Variants in SEL1L2 observed in about 807,000 individuals in gnomAD.
SEL1L2 encodes the protein protein sel-1 homolog 2.
Under a neutral mutation model 98.8 loss-of-function variants are expected in SEL1L2, and 89 were observed. The observed-to-expected ratio is 0.90, with a 90% confidence interval of 0.76 to 1.07. The LOEUF is 1.07. Ranked by LOEUF, SEL1L2 falls within the 50% of genes least tolerant of loss-of-function variation. The probability of loss-of-function intolerance (pLI) is 0.00; values close to 1 mark genes in which losing one functional copy is unlikely to be tolerated. For synonymous variants in SEL1L2, 262 were observed against 278.5 expected (o/e 0.94, Z 0.59); for missense variants, 788 against 812.0 (o/e 0.97, Z 0.36).
chr20:13,932,557 G>A (rs1349016553), intron 2 of SEL1L2, among the ~76,000 whole-genome samples: 7 of 151,774 alleles, frequency 4.6e-5, no homozygotes, highest in South Asian at 2.1e-4. Flanking sequence ...TCAGCCTCCC[G>A]AGTAACTGGG....
chr20:13,935,273 G>T (rs1335083559), intron 2 of SEL1L2, among the ~76,000 whole-genome samples: 1 of 152,176 alleles, frequency 6.6e-6, no homozygotes, highest in Non-Finnish European at 1.5e-5. Flanking sequence ...TTGGAGCATT[G>T]CTCTCAGTCC....
chr20:13,925,914 C>T (rs2048870680), intron 3 of SEL1L2, among the ~76,000 whole-genome samples: 1 of 152,196 alleles, frequency 6.6e-6, no homozygotes, highest in African/African-American at 2.4e-5. Flanking sequence ...TTACATAAAA[C>T]TGTGAGCTGA....
At chr20:13,853,810 A>G (rs903316503) in intron 18 of SEL1L2, among the ~76,000 whole-genome samples, 1 of 152,234 alleles carries the variant, frequency 6.6e-6, no homozygotes, top group Admixed American at 6.5e-5. Context: ...ACATTGTGGA[A>G]TAGTATACCA....
chr20:13,893,672 G>A (rs2047302707), intron 5 of SEL1L2, among the ~76,000 whole-genome samples: 1 of 152,092 alleles, frequency 6.6e-6, no homozygotes, highest in Non-Finnish European at 1.5e-5. Flanking sequence ...TTACAGACCA[G>A]TTGGACCAAA....
chr20:13,957,353 C>T (rs553174475), intron 1 of SEL1L2, among the ~76,000 whole-genome samples: 364 of 152,324 alleles, frequency 2.4e-3, no homozygotes, highest in Non-Finnish European at 4.3e-3. Flanking sequence ...CTGCCTGCCT[C>T]AGCCTCCCAA....
chr20:13,911,074 T>G (rs1462149958), intron 5 of SEL1L2, among the ~76,000 whole-genome samples: 1 of 152,200 alleles, frequency 6.6e-6, no homozygotes, highest in Non-Finnish European at 1.5e-5. Flanking sequence ...CTAGACTGAG[T>G]GTAAATGTCA....
intron 1 of SEL1L2, among the ~76,000 whole-genome samples, chr20:13,982,910 GC>G (rs1233252288): frequency 1.3e-5 from 2 of 150,802 alleles, no homozygotes; most frequent in African/African-American, 4.9e-5. Context: ...TGTAGTCCCA[GC>G]TACTCGGGAG....
chr20:13,937,413 G>C (rs1454685775), intron 2 of SEL1L2, among the ~76,000 whole-genome samples: 2 of 152,200 alleles, frequency 1.3e-5, no homozygotes, highest in African/African-American at 4.8e-5. Context: ...GCCTTACAAA[G>C]TCTAGGAGCC....
At chr20:13,949,954 C>T (rs544242562) in intron 2 of SEL1L2, among the ~76,000 whole-genome samples, 1 of 152,218 alleles carries the variant, frequency 6.6e-6, no homozygotes, top group African/African-American at 2.4e-5. Context: ...AAGCAATCAG[C>T]ATTCATTAAT....
chr20:13,903,679 G>A (rs540152604), intron 5 of SEL1L2, among the ~76,000 whole-genome samples: 1 of 152,066 alleles, frequency 6.6e-6, no homozygotes. Flanking sequence ...CAGGCATGGT[G>A]GTGAGCCTGT....
chr20:13,938,064 G>GT (rs1354821619), intron 2 of SEL1L2, among the ~76,000 whole-genome samples: 5 of 150,464 alleles, frequency 3.3e-5, no homozygotes, highest in Non-Finnish European at 7.4e-5. Flanking sequence ...GCAGAAAACC[G>GT]TTTTTTCTTT....
chr20:13,990,159 A>G (rs2148593328), intron 1 of SEL1L2, among the ~76,000 whole-genome samples: 1 of 152,316 alleles, frequency 6.6e-6, no homozygotes, highest in East Asian at 1.9e-4. Context: ...ATGATATTCT[A>G]AATTTAATAA....
chr20:13,982,436 G>A (rs77676085), intron 1 of SEL1L2, among the ~76,000 whole-genome samples: 2,472 of 149,944 alleles, frequency 0.016, 30 homozygotes, highest in Non-Finnish European at 0.028. Flanking sequence ...GCTTGAGCCT[G>A]GGAAGTCGAG....
Position 13,990,464 on chromosome 20 carries a change from C to CAA in SEL1L2, c.58+11_58+12dup. ...AGACCCTCATAGAGAACTCTAAGGACAAAAAAACTTACTTTTAATTGTGAC... is the reference window on the plus strand; with the variant it reads ...AGACCCTCATAGAGAACTCTAAGGACAAAAAAAAACTTACTTTTAATTGTGAC... On this transcript the variant is annotated intron_variant, in intron 1 of 19. Transcript: ENST00000284951. 6.3e-7 allele frequency: 1 copy of CAA among 1,595,168 alleles called. No individual in the cohort carries two copies. The highest frequency in any genetic ancestry group is 8.6e-7 in the Non-Finnish European group (1 of 1,163,460).
At chr20:13,863,911 A>G (rs376268085) in intron 17 of SEL1L2, among the ~76,000 whole-genome samples, 1 of 151,432 alleles carries the variant, frequency 6.6e-6, no homozygotes, top group Non-Finnish European at 1.5e-5. Context: ...CGGAGGTTGC[A>G]GTGAGCCTAG....
intron 9 of SEL1L2, among the ~76,000 whole-genome samples, chr20:13,885,989 A>G (rs1350796248): frequency 6.6e-6 from 1 of 151,902 alleles, no homozygotes; most frequent in South Asian, 2.1e-4. Flanking sequence ...GTGAGCCGAG[A>G]TTGTGCCACT....
At chr20:13,859,126 G>A in intron 18 of SEL1L2, 136 bp downstream of exon 18, 1 of 738,792 alleles carries the variant, frequency 1.4e-6, no homozygotes, top group Non-Finnish European at 2.3e-6. Flanking sequence ...TGGCACAAGG[G>A]ATGGATTTGG....
In SEL1L2 at chr20:13,876,068, G is replaced by A. The variant is rs1227105682; in HGVS notation, c.1074C>T (p.Ala358=). The change falls in exon 12 of 20, where the codon GCC becomes GCT. Residue 358 remains alanine, a synonymous_variant. Coordinates refer to ENST00000284951, the MANE Select transcript of SEL1L2 (RefSeq NM_025229.2). ...NAAVPQNNAT[A]FKYFSMAASK... ...TGGCTGCCATGGAAAAGTACTTGAA[G>A]GCAGTAGCGTTATTTTGCGGCACGG... 1.2e-6 allele frequency: 2 copies of A among 1,613,998 alleles called. No homozygotes were observed. Among genetic ancestry groups the A allele is most frequent in the African/African-American group, 1.3e-5 (1 of 75,034 alleles).
chr20:13,877,103 G>A (rs920381058), intron 11 of SEL1L2, among the ~76,000 whole-genome samples: 39 of 152,260 alleles, frequency 2.6e-4, no homozygotes, highest in African/African-American at 9.4e-4. Flanking sequence ...GGGATTACAG[G>A]CGTGAGCCAC....
Sources: gnomAD v4.1 joint callset for allele counts (sites outside exome capture counted in the v4.1 genomes callset) on GRCh38, gnomAD v4.1.1 for gene constraint, MANE v1.5 for transcripts, NCBI Gene and HGNC (gene_info 2026-07-23, HGNC 2026-07-21) for gene names.